The following NALCN variants were observed in gnomAD, a reference collection of about 807,000 sequenced individuals.
The protein encoded by NALCN is sodium leak channel, non-selective.
Under a neutral mutation model 225.3 loss-of-function variants are expected in NALCN, and 111 were observed. That is an observed-to-expected ratio of 0.49 (90% confidence interval 0.42 to 0.58). NALCN has a LOEUF of 0.58. NALCN is among the 20% of genes least tolerant of loss of function. The pLI, the probability that NALCN is intolerant of heterozygous loss-of-function variation, is 0.00. For missense variants in NALCN, 1,378 were observed against 2,202.4 expected (o/e 0.63, Z 7.49); for synonymous variants, 764 against 769.0 (o/e 0.99, Z 0.11).
chr13:101,106,479 T>C (rs1011048033), intron 22 of NALCN, among the ~76,000 whole-genome samples: 2 of 152,216 alleles, frequency 1.3e-5, no homozygotes, highest in Non-Finnish European at 2.9e-5. Context: ...ATTTCCTCCA[T>C]GACTCTTAAT....
At chr13:101,115,530 G>C (rs949671833) in intron 18 of NALCN, among the ~76,000 whole-genome samples, 2 of 152,150 alleles carry the variant, frequency 1.3e-5, no homozygotes, top group Non-Finnish European at 2.9e-5. Flanking sequence ...TAAGAAATGA[G>C]ATGCATACAT....
chr13:101,061,591 G>C (rs1566769896), intron 41 of NALCN, among the ~76,000 whole-genome samples: 5 of 152,138 alleles, frequency 3.3e-5, no homozygotes. Flanking sequence ...ATGTTGGCAG[G>C]CTGGTCTCCA....
chr13:101,296,444 C>T (rs1446302278), intron 7 of NALCN, among the ~76,000 whole-genome samples: 1 of 152,162 alleles, frequency 6.6e-6, no homozygotes, highest in Non-Finnish European at 1.5e-5. Context: ...CACCTGCACA[C>T]TCATATATAA....
At chr13:101,076,001 C>A (rs2033230211) in intron 34 of NALCN, 60 bp from the exon 35 acceptor site, 1 of 1,443,192 alleles carries the variant, frequency 6.9e-7, no homozygotes, top group Admixed American at 1.9e-5. Flanking sequence ...GTTACAGTTC[C>A]ATTTTTTAAG....
At chr13:101,220,257 T>C (rs1425730680) in intron 13 of NALCN, among the ~76,000 whole-genome samples, 1 of 152,214 alleles carries the variant, frequency 6.6e-6, no homozygotes, top group Non-Finnish European at 1.5e-5. Flanking sequence ...CCTTGGCTAA[T>C]ACTGTAATTA....
rs116566587 is a variant in NALCN, at chr13:101,383,778, G to A, written c.292-5125C>T. ...AGACGAGATTATGAGATGACTTATG[G>A]ATACTTCCTGGATTAGCATAGTTTG... On this transcript the variant is annotated intron_variant, in intron 3 of 43. Transcript: ENST00000251127. 4.5e-3 allele frequency among the ~76,000 whole-genome samples: 684 copies of A among 152,250 alleles called. 5 individuals carry two copies. The highest frequency in any genetic ancestry group is 0.016 in the African/African-American group (650 of 41,552).
chr13:101,209,562 G>A (rs560734724), intron 13 of NALCN, among the ~76,000 whole-genome samples: 2 of 151,832 alleles, frequency 1.3e-5, no homozygotes, highest in Admixed American at 6.6e-5. Context: ...AATTATTGCC[G>A]GACACATTAT....
At chr13:101,196,826 G>A in intron 13 of NALCN, among the ~76,000 whole-genome samples, 1 of 152,084 alleles carries the variant, frequency 6.6e-6, no homozygotes, top group East Asian at 1.9e-4. Flanking sequence ...TCCAGGTGAG[G>A]GAGAAGTCAA....
At chr13:101,388,080 T>C (rs968470183) in intron 3 of NALCN, among the ~76,000 whole-genome samples, 2 of 152,162 alleles carry the variant, frequency 1.3e-5, no homozygotes, top group African/African-American at 4.8e-5. Context: ...TGGCTTAGAT[T>C]TAATATCATG....
intron 1 of NALCN, among the ~76,000 whole-genome samples, chr13:101,400,855 C>A (rs1455911782): frequency 6.6e-6 from 1 of 152,058 alleles, no homozygotes. Context: ...GCGGTTTCCC[C>A]CATGCTGTTC....
At chr13:101,350,835 ACCACATCTTTGGCAGAGCCTTTGGCCTG>A (rs1487824115) in intron 6 of NALCN, among the ~76,000 whole-genome samples, 1 of 152,198 alleles carries the variant, frequency 6.6e-6, no homozygotes, top group Non-Finnish European at 1.5e-5. Flanking sequence ...TCACTGGCCT[ACCACATCTTTGGCAGAGCCTTTGGCCTG>A]CCACATCAGC....
At position 101,089,765 on chromosome 13, in the gene NALCN, C is replaced by T; in HGVS notation, c.3391-4G>A. ...CATGAATATAGATTCCATGGATCTG[C>T]ATAAAGGAAAATATGGTTATTCATC... On this transcript the variant is annotated splice_polypyrimidine_tract_variant and splice_region_variant and intron_variant, in intron 29 of 43. Transcript: ENST00000251127. The surrounding 1 kb of genome is among the most constrained non-coding windows in gnomAD (Gnocchi z 4.7). 6.2e-7 allele frequency: 1 copy of T among 1,613,968 alleles called. No homozygotes were observed. Among genetic ancestry groups the T allele is most frequent in the African/African-American group, 1.3e-5 (1 of 75,024 alleles).
chr13:101,230,700 G>C (rs1484861304), intron 12 of NALCN, among the ~76,000 whole-genome samples: 1 of 152,166 alleles, frequency 6.6e-6, no homozygotes, highest in East Asian at 1.9e-4. Flanking sequence ...GGGTGACCAT[G>C]GGGGGCACAG....
intron 22 of NALCN, 134 bp downstream of exon 22, chr13:101,107,353 G>A (rs929040192): frequency 7.8e-5 from 113 of 1,443,930 alleles, no homozygotes; most frequent in Non-Finnish European, 1.0e-4. Flanking sequence ...GCAAAGAGGA[G>A]CAGCATGATT....
intron 7 of NALCN, among the ~76,000 whole-genome samples, chr13:101,301,584 G>C (rs1161907487): frequency 2.0e-5 from 3 of 151,924 alleles, no homozygotes; most frequent in African/African-American, 7.3e-5. Flanking sequence ...ATCCAGGCCT[G>C]GTGGCATGTA....
chr13:101,211,319 G>A (rs901165670), intron 13 of NALCN, among the ~76,000 whole-genome samples: 1 of 152,016 alleles, frequency 6.6e-6, no homozygotes, highest in African/African-American at 2.4e-5. Flanking sequence ...GCAAAAATAG[G>A]TTCTCCCTGA....
chr13:101,235,318 G>T (rs540597180), intron 12 of NALCN, among the ~76,000 whole-genome samples: 1 of 152,088 alleles, frequency 6.6e-6, no homozygotes, highest in South Asian at 2.1e-4. Flanking sequence ...CTGAAAAATG[G>T]CATGTCAGAG....
chr13:101,386,996 T>G (rs1001877528), intron 3 of NALCN, among the ~76,000 whole-genome samples: 1 of 148,890 alleles, frequency 6.7e-6, no homozygotes, highest in Non-Finnish European at 1.5e-5. Flanking sequence ...CCGAGGCGGG[T>G]GGATCATGAG....
At chr13:101,360,181 CCTCTCTTCCTCTCTCTCTCT>C in intron 6 of NALCN, among the ~76,000 whole-genome samples, 1 of 79,522 alleles carries the variant, frequency 1.3e-5, no homozygotes, top group South Asian at 4.5e-4. Flanking sequence ...TTCCTCTCTT[CCTCTCTTCCTCTCTCTCTCT>C]CTCTCTCTCT....
Sources: gnomAD v4.1 joint callset for allele counts (sites outside exome capture counted in the v4.1 genomes callset) on GRCh38, gnomAD v4.1.1 for gene constraint, Gnocchi (gnomAD v3.1) non-coding constraint, MANE v1.5 for transcripts, NCBI Gene and HGNC (gene_info 2026-07-23, HGNC 2026-07-21) for gene names.